The following TEX9 variants were observed in gnomAD, a reference collection of about 807,000 sequenced individuals.
TEX9 encodes the protein testis-expressed protein 9.
Under a neutral mutation model 59.6 loss-of-function variants are expected in TEX9, and 74 were observed. The ratio of observed to expected loss-of-function variants is 1.24; its 90% CI spans 1.03 to 1.51. The LOEUF (loss-of-function observed/expected upper bound fraction) is 1.51. Among genes scored for constraint, TEX9 ranks in the 40% most tolerant of loss-of-function variants. The probability of loss-of-function intolerance (pLI) is 0.00; values close to 1 mark genes in which losing one functional copy is unlikely to be tolerated. For missense variants in TEX9, 522 were observed against 447.8 expected, an observed-to-expected ratio of 1.17 and a Z score of -1.49; for synonymous variants, 186 against 152.2, an observed-to-expected ratio of 1.22 and a Z score of -1.64.
rs1172853008 is a variant in TEX9 at position 56,431,318 on chromosome 15, T to G, written c.*29+2845T>G. 3 of 1,577,164 alleles carry G rather than the reference T, an allele frequency of 1.9e-6. No individual in the cohort carries two copies. The Admixed American group carries it at 5.6e-5, about 29-fold the overall frequency. On this transcript the variant is annotated intron_variant, in intron 12 of 12. Coordinates refer to ENST00000352903, the Ensembl canonical transcript of TEX9. ...GGCACTCTAAAATCCAAATACCATGTTTTTTTCACTATTACAGGTCATGAA... is the reference window on the plus strand; with the variant it reads ...GGCACTCTAAAATCCAAATACCATGGTTTTTTCACTATTACAGGTCATGAA...
intron 1 of TEX9, among the ~76,000 whole-genome samples, chr15:56,300,634 G>T (rs2045322543): frequency 6.6e-6 from 1 of 151,404 alleles, no homozygotes; most frequent in Admixed American, 6.6e-5. Flanking sequence ...GTTCCCAGTG[G>T]TGGCCACAGG....
At chr15:56,385,388 A>G (rs16976888) in intron 4 of TEX9, among the ~76,000 whole-genome samples, 4,792 of 152,196 alleles carry the variant, frequency 0.031, 185 homozygotes, top group East Asian at 0.095. Context: ...TGTGGACTTC[A>G]TGACTACTGA....
rs1380984519 is a variant in TEX9, at chr15:56,373,505, G to A, written c.183+1G>A. On this transcript the variant is annotated splice_donor_variant, in intron 3 of 12. Transcript: ENST00000352903. LOFTEE classifies it high-confidence loss of function. ...GGTTCAACAAGCTAAGGAAATAATAGTAAGTATATGTACAATTATTAATAA... is the reference window on the plus strand; with the variant it reads ...GGTTCAACAAGCTAAGGAAATAATAATAAGTATATGTACAATTATTAATAA... The A allele has an allele frequency of 1.9e-6, 3 of 1,559,434 alleles. No individual in the cohort carries two copies. The highest frequency in any genetic ancestry group is 1.2e-5 in the South Asian group (1 of 82,674).
At chr15:56,376,833 A>T (rs1025464636) in intron 3 of TEX9, among the ~76,000 whole-genome samples, 1 of 152,120 alleles carries the variant, frequency 6.6e-6, no homozygotes, top group African/African-American at 2.4e-5. Flanking sequence ...GTCTACTCCA[A>T]TGTCCTGGAG....
intron 3 of TEX9, among the ~76,000 whole-genome samples, chr15:56,378,347 T>C (rs1425188461): frequency 1.3e-5 from 2 of 152,144 alleles, no homozygotes; most frequent in Non-Finnish European, 2.9e-5. Context: ...CATCAGGTCC[T>C]GGGCTTTTCT....
intron 3 of TEX9, 27 bp downstream of exon 3, chr15:56,373,531 T>C: frequency 6.7e-7 from 1 of 1,502,022 alleles, no homozygotes; most frequent in Non-Finnish European, 8.8e-7. Flanking sequence ...TTATTAATAA[T>C]TCTATATAAA....
At chr15:56,403,701 T>C (rs2048920026) in intron 9 of TEX9, among the ~76,000 whole-genome samples, 1 of 152,204 alleles carries the variant, frequency 6.6e-6, no homozygotes. Context: ...AGAACAAAGC[T>C]GGAGGCATCA....
intron 9 of TEX9, chr15:56,395,108 T>C (rs2142341043): frequency 2.4e-6 from 1 of 423,608 alleles, no homozygotes; most frequent in East Asian, 3.7e-5. Flanking sequence ...TCATACCCTT[T>C]AGCCACCACA....
rs144227972 is a variant in TEX9, at chr15:56,427,664, A to G, written c.1023A>G (p.Leu341=). The change falls in exon 11 of 13, where the codon CTA becomes CTG. Residue 341 remains leucine, a synonymous_variant. Coordinates refer to ENST00000352903, the Ensembl canonical transcript of TEX9. ...TGTTAAAATCAGAAAACAAGAAGCT[A>G]GAAAAACAAAAAGGAGAATTAATGA... 6.5e-4 allele frequency: 1,010 copies of G among 1,550,738 alleles called. 9 individuals carry two copies. In the African/African-American group the frequency reaches 0.013, roughly 20 times the overall value.
intron 1 of TEX9, among the ~76,000 whole-genome samples, chr15:56,327,412 A>G (rs2046042048): frequency 6.6e-6 from 1 of 152,206 alleles, no homozygotes; most frequent in African/African-American, 2.4e-5. Context: ...TATAAACAGT[A>G]TGGGAAAGAA....
intron 9 of TEX9, among the ~76,000 whole-genome samples, chr15:56,401,120 CACACATA>C (rs535786890): frequency 1.6e-3 from 236 of 152,090 alleles, no homozygotes; most frequent in African/African-American, 5.6e-3. Context: ...GGATCAGATT[CACACATA>C]ACAATATTAA....
intron 12 of TEX9, chr15:56,431,633 T>C (rs1240241494): frequency 1.6e-6 from 1 of 608,968 alleles, no homozygotes. Flanking sequence ...AGATTCTAGA[T>C]AATATATATT....
At chr15:56,276,048 T>A (rs2044660002) in intron 1 of TEX9, among the ~76,000 whole-genome samples, 1 of 152,186 alleles carries the variant, frequency 6.6e-6, no homozygotes, top group African/African-American at 2.4e-5. Flanking sequence ...GTTTCTTTTG[T>A]CTGTTTTTAC....
upstream of TEX9, among the ~76,000 whole-genome samples, chr15:56,365,203 C>T (rs1161479106): frequency 6.6e-6 from 1 of 152,208 alleles, no homozygotes; most frequent in Non-Finnish European, 1.5e-5. Flanking sequence ...GAAACTCTTT[C>T]AACCCCCACA....
At chr15:56,297,757 G>T (rs569598509) in intron 1 of TEX9, among the ~76,000 whole-genome samples, 63 of 152,254 alleles carry the variant, frequency 4.1e-4, no homozygotes, top group African/African-American at 1.5e-3. Flanking sequence ...CACCCGCCTT[G>T]GCCTCCCAAA....
At chr15:56,290,454 C>G (rs1185929549) in intron 1 of TEX9, among the ~76,000 whole-genome samples, 9 of 151,932 alleles carry the variant, frequency 5.9e-5, no homozygotes, top group African/African-American at 2.2e-4. Context: ...GCCCTGCCCC[C>G]CCCAGTTTTT....
intron 1 of TEX9, among the ~76,000 whole-genome samples, chr15:56,311,277 A>C: frequency 1.7e-5 from 2 of 119,056 alleles, no homozygotes; most frequent in African/African-American, 3.2e-5. Flanking sequence ...ATATCTCCCA[A>C]TGCTATCCCT....
chr15:56,380,120 A>G (rs889127909), intron 3 of TEX9, among the ~76,000 whole-genome samples: 3 of 151,786 alleles, frequency 2.0e-5, no homozygotes, highest in African/African-American at 7.3e-5. Flanking sequence ...CCTTTTATTG[A>G]AGGTGATTTT....
intron 12 of TEX9, among the ~76,000 whole-genome samples, chr15:56,435,200 T>C (rs1567147866): frequency 6.6e-6 from 1 of 151,976 alleles, no homozygotes; most frequent in Admixed American, 6.6e-5. Flanking sequence ...TGTATATATA[T>C]AGCACTAAAT....
Sources: allele counts gnomAD v4.1 joint callset (sites outside exome capture counted in the v4.1 genomes callset), GRCh38; gene constraint gnomAD v4.1.1; transcripts MANE v1.5; gene names NCBI Gene and HGNC (gene_info 2026-07-23, HGNC 2026-07-21).